The following ERG variants were observed in gnomAD, a reference collection of about 807,000 sequenced individuals.
The protein encoded by ERG is transcriptional regulator ERG.
Under a neutral mutation model 55.3 loss-of-function variants are expected in ERG, and 9 were observed. The observed-to-expected ratio is 0.16, with a 90% CI of 0.10 to 0.28. The LOEUF is 0.28. Ranked by LOEUF, ERG falls within the 10% of genes least tolerant of loss-of-function variation. The probability of loss-of-function intolerance (pLI) is 1.00; values close to 1 mark genes in which losing one functional copy is unlikely to be tolerated. For synonymous variants in ERG, 223 were observed against 237.3 expected (o/e 0.94, Z 0.55); for missense variants, 434 against 631.6 (o/e 0.69, Z 3.35).
At chr21:38,385,246 C>T (rs1441245934) in intron 9 of ERG, among the ~76,000 whole-genome samples, 1 of 152,200 alleles carries the variant, frequency 6.6e-6, no homozygotes, top group East Asian at 1.9e-4. Context: ...AGAAGCTAAG[C>T]TGTGCTGAAC....
intron 2 of ERG, among the ~76,000 whole-genome samples, chr21:38,423,847 A>G (rs1426552429): frequency 1.6e-4 from 24 of 152,100 alleles, no homozygotes; most frequent in Admixed American, 1.6e-3. Flanking sequence ...TTAGCTGGGC[A>G]TGCCTGTAGT....
chr21:38,555,676 G>A (rs957272484), intron 2 of ERG, among the ~76,000 whole-genome samples: 2 of 152,022 alleles, frequency 1.3e-5, no homozygotes, highest in Admixed American at 6.6e-5. Flanking sequence ...ATGGAAAAAT[G>A]GACTAAGGAC....
intron 2 of ERG, among the ~76,000 whole-genome samples, chr21:38,512,023 T>C (rs543706792): frequency 1.3e-5 from 2 of 152,242 alleles, no homozygotes; most frequent in African/African-American, 2.4e-5. Context: ...ACTGTGTGCA[T>C]GACAGACTGT....
intron 1 of ERG, among the ~76,000 whole-genome samples, chr21:38,627,479 T>C (rs1439782013): frequency 6.8e-6 from 1 of 147,160 alleles, no homozygotes; most frequent in Non-Finnish European, 1.5e-5. Flanking sequence ...ACCTGCTTCT[T>C]TTCTTCAGAA....
At chr21:38,578,766 C>A (rs1259076217) in intron 1 of ERG, among the ~76,000 whole-genome samples, 2 of 152,164 alleles carry the variant, frequency 1.3e-5, no homozygotes, top group Non-Finnish European at 2.9e-5. Context: ...ATGGCCAACC[C>A]ACAGGCTCAT....
intron 2 of ERG, among the ~76,000 whole-genome samples, chr21:38,560,403 A>G (rs896962764): frequency 5.9e-5 from 9 of 152,108 alleles, no homozygotes; most frequent in African/African-American, 2.2e-4. Context: ...TGAGCCAATC[A>G]CTGACACAGC....
intron 1 of ERG, among the ~76,000 whole-genome samples, chr21:38,640,295 A>T (rs2060416046): frequency 6.6e-6 from 1 of 152,204 alleles, no homozygotes; most frequent in South Asian, 2.1e-4. Context: ...AATGCATATC[A>T]ACTTAACCAA....
intron 1 of ERG, among the ~76,000 whole-genome samples, chr21:38,473,679 A>G (rs2059160738): frequency 6.6e-6 from 1 of 152,090 alleles, no homozygotes. Flanking sequence ...CGTGGTTTGG[A>G]CATATTACTA....
chr21:38,545,715 C>A (rs1483658077), intron 2 of ERG, among the ~76,000 whole-genome samples: 1 of 152,164 alleles, frequency 6.6e-6, no homozygotes, highest in Non-Finnish European at 1.5e-5. Flanking sequence ...ATTTTGCCTG[C>A]TTTCTCTTCA....
chr21:38,495,393 G>C (rs1022669486), intron 1 of ERG, among the ~76,000 whole-genome samples: 3 of 152,172 alleles, frequency 2.0e-5, no homozygotes, highest in South Asian at 2.1e-4. Flanking sequence ...ATAGCACTAG[G>C]GTGCCCTCAG....
chr21:38,648,864 G>A (rs1243320493), intron 1 of ERG, among the ~76,000 whole-genome samples: 2 of 152,206 alleles, frequency 1.3e-5, no homozygotes, highest in Non-Finnish European at 2.9e-5. Flanking sequence ...GTTGACTGCA[G>A]GAGAAACCTC....
At chr21:38,476,437 A>C (rs1036997020) in intron 1 of ERG, among the ~76,000 whole-genome samples, 2 of 152,280 alleles carry the variant, frequency 1.3e-5, no homozygotes, top group African/African-American at 2.4e-5. Flanking sequence ...CTGAGATACA[A>C]CACCACTCCG....
intron 1 of ERG, among the ~76,000 whole-genome samples, chr21:38,493,696 C>T (rs2059356533): frequency 6.6e-6 from 1 of 152,182 alleles, no homozygotes; most frequent in Admixed American, 6.5e-5. Context: ...CGAAGCCAAC[C>T]CTCTCTGACC....
intron 1 of ERG, among the ~76,000 whole-genome samples, chr21:38,606,150 G>A (rs2060195808): frequency 6.6e-6 from 1 of 152,108 alleles, no homozygotes; most frequent in South Asian, 2.1e-4. Flanking sequence ...ATTGATGGAA[G>A]ACAGGAAAGT....
intron 1 of ERG, among the ~76,000 whole-genome samples, chr21:38,497,268 C>A (rs2059387361): frequency 6.6e-6 from 1 of 152,192 alleles, no homozygotes; most frequent in Non-Finnish European, 1.5e-5. Flanking sequence ...TTGAAAATGG[C>A]TTGGCCCAAT....
chr21:38,443,597 A>C (rs17230568), intron 2 of ERG, among the ~76,000 whole-genome samples: 10,857 of 152,282 alleles, frequency 0.071, 431 homozygotes, highest in South Asian at 0.11. Flanking sequence ...TCTGTGTTTC[A>C]GAAATATATA....
intron 2 of ERG, among the ~76,000 whole-genome samples, chr21:38,554,075 G>GA (rs1187239354): frequency 6.6e-6 from 1 of 152,036 alleles, no homozygotes; most frequent in Non-Finnish European, 1.5e-5. Context: ...ACAAGCATAT[G>GA]AAAAAACGCT....
At chr21:38,379,999 G>A, downstream of ERG, 2 of 1,007,972 alleles carry the variant, frequency 2.0e-6, no homozygotes, top group Non-Finnish European at 2.4e-6. Context: ...TTTAAACCAA[G>A]GTTAAAAGAT....
intron 2 of ERG, among the ~76,000 whole-genome samples, chr21:38,540,514 A>T (rs1033577675): frequency 1.3e-5 from 2 of 152,154 alleles, no homozygotes; most frequent in African/African-American, 4.8e-5. Context: ...AATATCTCTT[A>T]AAATCCTGAC....
Sources: allele counts gnomAD v4.1 joint callset (sites outside exome capture counted in the v4.1 genomes callset), GRCh38; gene constraint gnomAD v4.1.1; transcripts MANE v1.5; gene names NCBI Gene and HGNC (gene_info 2026-07-23, HGNC 2026-07-21).